CUX1: variants seen among roughly 807,000 people sequenced by gnomAD.
The protein encoded by CUX1 is protein CASP.
CUX1 carries 31 observed loss-of-function variants against 158.8 expected under a neutral mutation model. That is an observed-to-expected ratio of 0.20 (90% CI 0.15 to 0.26). The LOEUF is 0.26. CUX1 is among the 10% of genes least tolerant of loss of function. The pLI is 1.00. For missense variants in CUX1, 1,589 were observed against 2,014.6 expected (o/e 0.79, Z 4.04); for synonymous variants, 879 against 862.1 (o/e 1.02, Z -0.34).
intron 2 of CUX1, among the ~76,000 whole-genome samples, chr7:101,970,706 C>T (rs1288055359): frequency 2.0e-5 from 3 of 152,212 alleles, no homozygotes; most frequent in East Asian, 1.9e-4. Context: ...CAGGCGCGTA[C>T]GACCATACCC....
At chr7:102,039,183 T>C (rs1223864514) in intron 3 of CUX1, among the ~76,000 whole-genome samples, 1 of 152,204 alleles carries the variant, frequency 6.6e-6, no homozygotes, top group African/African-American at 2.4e-5. Context: ...GTTTATTGGA[T>C]GGGTGGATGG....
intron 2 of CUX1, among the ~76,000 whole-genome samples, chr7:101,974,757 T>C (rs1297896673): frequency 6.6e-6 from 1 of 152,092 alleles, no homozygotes; most frequent in African/African-American, 2.4e-5. Flanking sequence ...GTCATCTCTA[T>C]TTTCTTAAAT....
At chr7:102,205,307 C>G (rs1207704706) in intron 20 of CUX1, 137 bp downstream of exon 20, 2 of 669,640 alleles carry the variant, frequency 3.0e-6, no homozygotes, top group African/African-American at 1.8e-5. Context: ...GGCATCCTAT[C>G]TGCAAACGGG....
chr7:102,083,396 T>G (rs1267229911), intron 4 of CUX1, among the ~76,000 whole-genome samples: 1 of 147,134 alleles, frequency 6.8e-6, no homozygotes, highest in Non-Finnish European at 1.5e-5. Flanking sequence ...AGCCTCAGTC[T>G]TCCAGGCTCA....
At chr7:101,840,203 T>G (rs1263373120) in intron 1 of CUX1, among the ~76,000 whole-genome samples, 1 of 152,258 alleles carries the variant, frequency 6.6e-6, no homozygotes, top group Non-Finnish European at 1.5e-5. Context: ...TTGCATTTTC[T>G]CTGGAAATAA....
chr7:102,190,343 T>C (rs1477723533), intron 12 of CUX1, among the ~76,000 whole-genome samples: 1 of 152,222 alleles, frequency 6.6e-6, no homozygotes, highest in Non-Finnish European at 1.5e-5. Context: ...TATCATCTTT[T>C]CAGGGCTAAT....
At chr7:102,237,231 T>G (rs1799665301) in intron 22 of CUX1, among the ~76,000 whole-genome samples, 1 of 152,176 alleles carries the variant, frequency 6.6e-6, no homozygotes, top group South Asian at 2.1e-4. Context: ...CCTAAGCTGT[T>G]TATTTTATTT....
In CUX1 at chr7:102,196,745, C is replaced by G; in HGVS notation, c.1334C>G (p.Thr445Ser). 6.2e-7 allele frequency: 1 copy of G among 1,614,068 alleles called. No homozygotes were observed. The highest frequency in any genetic ancestry group is 8.5e-7 in the Non-Finnish European group (1 of 1,179,996). ...AACCCGGGGGAGCAGGCTTCCAATA[C>G]TAATGGTACACACCAGTTCTCACCA... ...PRNPGEQASN[T>S]NGTHQFSPAG... The change falls in exon 15 of 24, where the codon ACT (threonine) becomes AGT (serine). Residue 445 changes from threonine (T) to serine (S), a missense_variant. Physicochemically the swap from Thr to Ser is moderately conservative, Grantham distance 58. Coordinates refer to ENST00000292535, the MANE Select transcript of CUX1 (RefSeq NM_181552.4).
chr7:101,841,190 G>T (rs1308271364), intron 1 of CUX1, among the ~76,000 whole-genome samples: 1 of 152,142 alleles, frequency 6.6e-6, no homozygotes, highest in African/African-American at 2.4e-5. Context: ...ACCACGCCCG[G>T]CAGGTTTTCT....
chr7:101,873,280 G>C (rs191158737), intron 1 of CUX1, among the ~76,000 whole-genome samples: 92 of 148,280 alleles, frequency 6.2e-4, no homozygotes, highest in African/African-American at 2.1e-3. Context: ...ATGGTGGTTT[G>C]CTGCACCTAG....
chr7:101,927,998 C>G (rs547231141), intron 2 of CUX1, among the ~76,000 whole-genome samples: 5 of 152,306 alleles, frequency 3.3e-5, no homozygotes, highest in South Asian at 4.1e-4. Context: ...CCGGCATCCC[C>G]TTTCCTTCCT....
intron 10 of CUX1, among the ~76,000 whole-genome samples, chr7:102,176,328 C>T (rs1554511938): frequency 6.6e-6 from 1 of 152,160 alleles, no homozygotes; most frequent in East Asian, 1.9e-4. Context: ...GCCACGGTGC[C>T]ACCCTTTCCC....
chr7:102,014,088 C>T (rs1388599518), intron 2 of CUX1, among the ~76,000 whole-genome samples: 3 of 152,086 alleles, frequency 2.0e-5, no homozygotes, highest in African/African-American at 2.4e-5. Context: ...GGTACTGAGC[C>T]GTGTGTATCC....
chr7:102,038,026 G>C (rs1821648328), intron 3 of CUX1, among the ~76,000 whole-genome samples: 2 of 147,106 alleles, frequency 1.4e-5, no homozygotes, highest in African/African-American at 5.0e-5. Flanking sequence ...GTCCAGCCTG[G>C]GCGACAGAGT....
intron 3 of CUX1, among the ~76,000 whole-genome samples, chr7:102,045,392 G>A (rs1325161799): frequency 6.6e-6 from 1 of 152,230 alleles, no homozygotes; most frequent in Non-Finnish European, 1.5e-5. Flanking sequence ...TATTAATCAC[G>A]GCCGCCCGCC....
chr7:102,190,018 C>T, intron 12 of CUX1, 147 bp downstream of exon 12: 1 of 809,110 alleles, frequency 1.2e-6, no homozygotes, highest in South Asian at 1.7e-5. Flanking sequence ...TCTACCACTG[C>T]ATGGTGTCCT....
At chr7:101,963,051 A>T (rs988292528) in intron 2 of CUX1, among the ~76,000 whole-genome samples, 1 of 152,150 alleles carries the variant, frequency 6.6e-6, no homozygotes. Flanking sequence ...TTTACTTTCA[A>T]GTTGTAAAGT....
At position 102,282,849 on chromosome 7, in the gene CUX1, C is replaced by T. The variant is rs1554549775; in HGVS notation, c.1967+73C>T. ...AGCACCCCCGCAACACCCCCGAGTT[C>T]CTGCCTCATGTCCCCCACTCCTTAG... is the stretch of plus-strand genomic sequence containing the variant. On this transcript the variant is annotated intron_variant, in intron 22 of 22. Coordinates refer to the CUX1 transcript ENST00000292538. The T allele has an allele frequency of 5.6e-6, 6 of 1,069,280 alleles. No individual in the cohort carries two copies. The African/African-American group carries it at 1.0e-4, about 18-fold the overall frequency. 66.2% of individuals were successfully genotyped at this position (1,069,280 alleles called of 1,614,324 possible).
At position 102,111,798 on chromosome 7, in the gene CUX1, C is replaced by T. The variant is rs1554490183; in HGVS notation, c.607+24C>T. On this transcript the variant is annotated intron_variant, in intron 7 of 23. Transcript: ENST00000292535. Reference sequence around the variant, plus strand: ...AGGTTTGATACTCTCCTTCCTAGTACCATGGATGTGGGGAGGACCCAGGGG... The same window carrying T: ...AGGTTTGATACTCTCCTTCCTAGTATCATGGATGTGGGGAGGACCCAGGGG... 4 of 1,605,802 alleles carry T rather than the reference C, an allele frequency of 2.5e-6. No homozygotes were observed. In the East Asian group the frequency reaches 8.9e-5, roughly 36 times the overall value.
Sources: gnomAD v4.1 joint callset for allele counts (sites outside exome capture counted in the v4.1 genomes callset) on GRCh38, gnomAD v4.1.1 for gene constraint, MANE v1.5 for transcripts, NCBI Gene and HGNC (gene_info 2026-07-23, HGNC 2026-07-21) for gene names.